Variants in ALKAL1 observed in about 807,000 individuals in gnomAD.
ALKAL1 encodes the protein AUG-beta.
ALKAL1 carries 23 observed loss-of-function variants against 13.5 expected under a neutral mutation model. The ratio of observed to expected loss-of-function variants is 1.70; its 90% CI spans 1.23 to 2.41. The LOEUF is 2.41. ALKAL1 is among the 30% of genes most tolerant of loss of function. ALKAL1 has a pLI of 0.00. For missense variants in ALKAL1, 181 were observed against 178.4 expected, an observed-to-expected ratio of 1.01 and a Z score of -0.08; for synonymous variants, 85 against 77.7, an observed-to-expected ratio of 1.09 and a Z score of -0.49.
intron 3 of ALKAL1, among the ~76,000 whole-genome samples, chr8:52,539,291 C>T (rs760752865): frequency 3.9e-5 from 6 of 152,040 alleles, no homozygotes; most frequent in East Asian, 1.9e-4. Context: ...GTCATAATTT[C>T]GGCACTTCAA....
intron 1 of ALKAL1, among the ~76,000 whole-genome samples, chr8:52,544,058 T>G (rs1847342691): frequency 6.6e-6 from 1 of 152,044 alleles, no homozygotes; most frequent in South Asian, 2.1e-4. Context: ...GTGTCTGTCT[T>G]CCCCACAATT....
chr8:52,547,579 CT>C (rs1210506707), intron 1 of ALKAL1, among the ~76,000 whole-genome samples: 1 of 152,164 alleles, frequency 6.6e-6, no homozygotes, highest in Admixed American at 6.5e-5. Context: ...TGATTTCTCT[CT>C]GATGGAAAAT....
Position 52,557,979 on chromosome 8 carries a change from AAAAG to A in ALKAL1, c.190+7084_190+7087del, listed in dbSNP as rs200851318. Among the ~76,000 whole-genome samples the A allele has an allele frequency of 5.2e-3, 778 of 150,046 alleles. 6 individuals carry two copies. The highest frequency in any genetic ancestry group is 0.018 in the African/African-American group (740 of 40,700). ...GAGACTATGTCTGAAAAAAAAAAAA[AAAAG>A]AAGAAGAAGTATAAAATGTTCATAC... On this transcript the variant is annotated intron_variant, in intron 1 of 4. Transcript: ENST00000358543.
At chr8:52,554,956 G>A (rs1010328284) in intron 1 of ALKAL1, among the ~76,000 whole-genome samples, 8 of 152,134 alleles carry the variant, frequency 5.3e-5, no homozygotes, top group African/African-American at 1.9e-4. Context: ...CGGATCACGA[G>A]GTCAGGAGAT....
chr8:52,552,854 C>G (rs915170688), intron 1 of ALKAL1, among the ~76,000 whole-genome samples: 1 of 152,200 alleles, frequency 6.6e-6, no homozygotes, highest in African/African-American at 2.4e-5. Context: ...TTAGGGATTT[C>G]TCCAATCAAC....
At position 52,557,513 on chromosome 8, in the gene ALKAL1, C is replaced by G. The variant is rs374958162; in HGVS notation, c.190+7554G>C. Among the ~76,000 whole-genome samples, 8 of 152,244 alleles carry G rather than the reference C, an allele frequency of 5.3e-5. No individual in the cohort carries two copies. The East Asian group carries it at 1.4e-3, about 26-fold the overall frequency. On this transcript the variant is annotated intron_variant, in intron 1 of 4. Transcript: ENST00000358543. ...AATCACCTTTTGGGGTTTCAATTTTCGGTGTTTTTGTTTTCCTGTTTTCTC... is the reference window on the plus strand; with the variant it reads ...AATCACCTTTTGGGGTTTCAATTTTGGGTGTTTTTGTTTTCCTGTTTTCTC...
At chr8:52,564,884 T>C (rs376039318) in intron 1 of ALKAL1, among the ~76,000 whole-genome samples, 183 bp downstream of exon 1, 1 of 152,180 alleles carries the variant, frequency 6.6e-6, no homozygotes, top group South Asian at 2.1e-4. Flanking sequence ...TACTTAACTC[T>C]CAACCGTGGT....
intron 1 of ALKAL1, among the ~76,000 whole-genome samples, chr8:52,559,016 G>T (rs529460162): frequency 1.3e-5 from 2 of 152,188 alleles, no homozygotes; most frequent in South Asian, 4.2e-4. Context: ...GGCAGGGGAG[G>T]GGCCAGGCTC....
intron 1 of ALKAL1, among the ~76,000 whole-genome samples, chr8:52,556,571 C>G (rs560159396): frequency 2.5e-4 from 32 of 129,542 alleles, no homozygotes; most frequent in African/African-American, 8.8e-4. Flanking sequence ...GGCGTGAACC[C>G]GGGAGGCGGA....
chr8:52,560,355 G>C (rs1305935475), intron 1 of ALKAL1, among the ~76,000 whole-genome samples: 1 of 152,102 alleles, frequency 6.6e-6, no homozygotes, highest in East Asian at 1.9e-4. Flanking sequence ...TTAAACTCCA[G>C]ACACTCTACT....
At chr8:52,548,153 A>G (rs1321174889) in intron 1 of ALKAL1, among the ~76,000 whole-genome samples, 1 of 152,212 alleles carries the variant, frequency 6.6e-6, no homozygotes, top group Admixed American at 6.5e-5. Context: ...GTTCAAGACC[A>G]GCCTGGTCAA....
At chr8:52,553,014 T>C (rs1479368962) in intron 1 of ALKAL1, among the ~76,000 whole-genome samples, 1 of 152,216 alleles carries the variant, frequency 6.6e-6, no homozygotes, top group Admixed American at 6.5e-5. Context: ...TTGATTTTTA[T>C]ATATCCAGTG....
At chr8:52,549,019 C>T in intron 1 of ALKAL1, among the ~76,000 whole-genome samples, 1 of 152,100 alleles carries the variant, frequency 6.6e-6, no homozygotes, top group African/African-American at 2.4e-5. Flanking sequence ...TTACTGTTTG[C>T]TTCTACCTGC....
rs1388105347 is a variant in ALKAL1, at chr8:52,565,235, C to A, written c.22G>T (p.Ala8Ser). The change falls in exon 1 of 5, where the codon GCC becomes TCC. Residue 8 changes from alanine to serine, a missense_variant. Physicochemically the swap from Ala to Ser is moderately conservative, Grantham distance 99. Transcript: ENST00000358543. MRPLKPG[A>S]PLPALFLLAL... ...AGCAGGAAGAGTGCGGGCAAAGGGG[C>A]GCCGGGCTTAAGGGGCCGCATGTTC... is the stretch of plus-strand genomic sequence containing the variant. 5.3e-6 allele frequency: 7 copies of A among 1,319,422 alleles called. No homozygotes were observed. Among genetic ancestry groups the A allele is most frequent in the African/African-American group, 1.5e-5 (1 of 64,914 alleles). The allele number at this position is 1,319,422 out of a possible 1,614,324, so 81.7% of individuals were successfully genotyped here.
chr8:52,546,319 C>T (rs1847368226), intron 1 of ALKAL1, among the ~76,000 whole-genome samples: 1 of 152,194 alleles, frequency 6.6e-6, no homozygotes, highest in African/African-American at 2.4e-5. Context: ...TTTTTCACTA[C>T]AAGGGCAGAA....
intron 4 of ALKAL1, among the ~76,000 whole-genome samples, chr8:52,536,365 T>C (rs1847267220): frequency 6.6e-6 from 1 of 152,256 alleles, no homozygotes; most frequent in Non-Finnish European, 1.5e-5. Flanking sequence ...AAAGAACTAC[T>C]GATTAAAGAA....
intron 4 of ALKAL1, among the ~76,000 whole-genome samples, chr8:52,535,550 C>CAAAAAAAAAAAAAAAAA (rs10719477): frequency 1.5e-5 from 1 of 68,630 alleles, no homozygotes; most frequent in Admixed American, 2.2e-4. Context: ...GACCCTGTCT[C>CAAAAAAAAAAAAAAAAA]AAAAAAAAAA....
chr8:52,552,925 T>TGGTGACTAC (rs1331000502), intron 1 of ALKAL1, among the ~76,000 whole-genome samples: 1 of 152,228 alleles, frequency 6.6e-6, no homozygotes, highest in Non-Finnish European at 1.5e-5. Flanking sequence ...GGTGTGCTCC[T>TGGTGACTAC]GGTGACTACG....
chr8:52,535,138 G>T (rs1427753932), intron 4 of ALKAL1, among the ~76,000 whole-genome samples: 1 of 151,682 alleles, frequency 6.6e-6, no homozygotes, highest in Non-Finnish European at 1.5e-5. Flanking sequence ...GAGGACTTTA[G>T]GTAAATTTAC....
Sources: allele counts gnomAD v4.1 joint callset (sites outside exome capture counted in the v4.1 genomes callset), GRCh38; gene constraint gnomAD v4.1.1; transcripts MANE v1.5; gene names NCBI Gene and HGNC (gene_info 2026-07-23, HGNC 2026-07-21).